ARL15: variants seen among roughly 807,000 people sequenced by gnomAD.
ARL15 encodes the protein ADP-ribosylation factor-like protein 15.
Under a neutral mutation model 25.2 loss-of-function variants are expected in ARL15, and 19 were observed. The ratio of observed to expected loss-of-function variants is 0.75; its 90% CI spans 0.53 to 1.10. The LOEUF is 1.10. ARL15 is among the 50% of genes least tolerant of loss of function. ARL15 has a pLI of 0.00. For missense variants in ARL15, 220 were observed against 246.0 expected (o/e 0.89, Z 0.71); for synonymous variants, 94 against 86.8 (o/e 1.08, Z -0.46).
intron 4 of ARL15, among the ~76,000 whole-genome samples, chr5:53,913,702 C>T (rs554533971): frequency 6.6e-6 from 1 of 152,230 alleles, no homozygotes; most frequent in South Asian, 2.1e-4. Flanking sequence ...TAGTACCTGG[C>T]ACTATTCTAC....
intron 4 of ARL15, among the ~76,000 whole-genome samples, chr5:53,887,779 A>G (rs1156862170): frequency 6.6e-6 from 1 of 152,136 alleles, no homozygotes; most frequent in Non-Finnish European, 1.5e-5. Context: ...TTACAGTCTT[A>G]CCTTAGTCAA....
At chr5:54,046,939 C>T (rs1340199412) in intron 4 of ARL15, among the ~76,000 whole-genome samples, 1 of 152,116 alleles carries the variant, frequency 6.6e-6, no homozygotes, top group Non-Finnish European at 1.5e-5. Context: ...TCTCAACATT[C>T]CCACTGAATG....
chr5:54,067,018 A>T (rs1751256951), intron 4 of ARL15: 1 of 152,642 alleles, frequency 6.6e-6, no homozygotes, highest in Admixed American at 6.5e-5. Flanking sequence ...GATATATGCA[A>T]TTATACATAG....
rs569876469 is a variant in ARL15, at chr5:54,070,788, T to C, written c.462+42414A>G. Among the ~76,000 whole-genome samples the C allele has an allele frequency of 3.9e-5, 6 of 151,932 alleles. No homozygotes were observed. The East Asian group carries it at 1.2e-3, about 29-fold the overall frequency. ...TGAACCCAGGAGGTGGAGGTTGCAG[T>C]GAGCCTAGATCACAGAGCCACTGCA... On this transcript the variant is annotated intron_variant, in intron 4 of 4. Coordinates refer to ENST00000504924, the MANE Select transcript of ARL15 (RefSeq NM_019087.3).
At chr5:54,053,242 AAC>A (rs1750754176) in intron 4 of ARL15, among the ~76,000 whole-genome samples, 1 of 134,628 alleles carries the variant, frequency 7.4e-6, no homozygotes, top group Non-Finnish European at 1.5e-5. Flanking sequence ...AACAACAACA[AAC>A]AACAACAAAA....
At chr5:54,273,358 T>C (rs1353175426) in intron 1 of ARL15, among the ~76,000 whole-genome samples, 1 of 152,166 alleles carries the variant, frequency 6.6e-6, no homozygotes, top group Non-Finnish European at 1.5e-5. Flanking sequence ...AAGGATACAG[T>C]GTCACCTATG....
rs950458933 is a variant in ARL15 at position 53,884,331 on chromosome 5, G to A, written c.*2230C>T. On this transcript the variant is annotated 3_prime_UTR_variant, in exon 5 of 5. Coordinates refer to ENST00000504924, the MANE Select transcript of ARL15 (RefSeq NM_019087.3). ...GGCACTTTACATGAAAGTAGGAAAA[G>A]GGACTTACACTCCCACCCCCAGCCA... The A allele has an allele frequency of 6.6e-6, 1 of 151,750 alleles. No homozygotes were observed. Among genetic ancestry groups the A allele is most frequent in the Non-Finnish European group, 1.5e-5 (1 of 67,938 alleles). 9.4% of individuals were successfully genotyped at this position (151,750 alleles called of 1,614,324 possible). A position where few individuals can be genotyped will look rare whatever the true frequency, so the allele number is the denominator to read the frequency against.
intron 1 of ARL15, among the ~76,000 whole-genome samples, chr5:54,266,104 G>A (rs1011104712): frequency 3.3e-5 from 5 of 152,134 alleles, no homozygotes; most frequent in African/African-American, 4.8e-5. Flanking sequence ...AAAGAGAAAC[G>A]ACTAACTTCA....
intron 4 of ARL15, among the ~76,000 whole-genome samples, chr5:54,107,213 C>G (rs964677694): frequency 1.3e-5 from 2 of 152,036 alleles, no homozygotes; most frequent in African/African-American, 4.8e-5. Flanking sequence ...AAAGACTGGC[C>G]CCCACGATTC....
intron 4 of ARL15, among the ~76,000 whole-genome samples, chr5:54,007,820 C>G (rs995694408): frequency 6.6e-6 from 1 of 152,226 alleles, no homozygotes. Flanking sequence ...TCCTCTATCA[C>G]TTACATTCTT....
At chr5:54,249,843 A>G (rs752454959) in intron 1 of ARL15, among the ~76,000 whole-genome samples, 13 of 152,166 alleles carry the variant, frequency 8.5e-5, no homozygotes, top group Non-Finnish European at 1.5e-4. Flanking sequence ...AGTTTCTGTC[A>G]CACAGCAATT....
In ARL15 at chr5:54,022,019, A is replaced by T. The variant is rs138524809; in HGVS notation, c.462+91183T>A. 1.6e-3 allele frequency among the ~76,000 whole-genome samples: 245 copies of T among 152,360 alleles called. 1 individual carries two copies. The highest frequency in any genetic ancestry group is 0.01 in the Middle Eastern group (3 of 294). ...AAGTGCTGAAAGAAAAGATCTGTCA[A>T]GACAGAATCTGATTCTCAGTGAAAA... On this transcript the variant is annotated intron_variant, in intron 4 of 4. Transcript: ENST00000504924.
intron 4 of ARL15, chr5:54,048,392 A>ATT (rs1750594084): frequency 7.9e-6 from 1 of 126,858 alleles, no homozygotes; most frequent in Admixed American, 7.7e-5. Flanking sequence ...ATATATATAA[A>ATT]TTATATATAT....
intron 4 of ARL15, among the ~76,000 whole-genome samples, chr5:53,977,206 A>T (rs1319796240): frequency 2.6e-5 from 4 of 151,874 alleles, no homozygotes; most frequent in African/African-American, 7.3e-5. Context: ...AAATACAAAA[A>T]ATTAGCCGGG....
chr5:53,897,493 T>C (rs529871100), intron 4 of ARL15, among the ~76,000 whole-genome samples: 1 of 152,356 alleles, frequency 6.6e-6, no homozygotes, highest in South Asian at 2.1e-4. Flanking sequence ...CATTTATTGG[T>C]CGGGTTCTAC....
chr5:54,308,251 C>CT (rs1188896114), intron 1 of ARL15, among the ~76,000 whole-genome samples: 1 of 152,124 alleles, frequency 6.6e-6, no homozygotes, highest in Non-Finnish European at 1.5e-5. Context: ...TTTCTGAAAT[C>CT]TTTTCACAGG....
At chr5:53,887,570 T>C (rs1744574188) in intron 4 of ARL15, among the ~76,000 whole-genome samples, 1 of 152,146 alleles carries the variant, frequency 6.6e-6, no homozygotes, top group African/African-American at 2.4e-5. Flanking sequence ...TGATCTTCTC[T>C]CAAAAGGTAT....
chr5:54,216,300 C>T (rs1040528377), intron 1 of ARL15, among the ~76,000 whole-genome samples: 2 of 152,154 alleles, frequency 1.3e-5, no homozygotes, highest in East Asian at 3.9e-4. Flanking sequence ...TGGTTTCATC[C>T]TCACCACCCT....
rs1353975838 is a variant in ARL15, at chr5:53,995,300, T to TCA, written c.463-108589_463-108588dup. The stretch of plus-strand genomic sequence containing the variant: ...ACCTGGGAGACAGAGCGAGACTCCG[T>TCA]CACAAAAAAAAAAAAAAAAAAAAAA... On this transcript the variant is annotated intron_variant, in intron 4 of 4. Coordinates refer to ENST00000504924, the MANE Select transcript of ARL15 (RefSeq NM_019087.3). Among the ~76,000 whole-genome samples the TCA allele has an allele frequency of 5.4e-5, 4 of 74,318 alleles. No homozygotes were observed. In the East Asian group the frequency reaches 1.3e-3, roughly 23 times the overall value. The allele number at this position is 74,318 out of a possible 152,430, so 48.8% of individuals were successfully genotyped here. A position where few individuals can be genotyped will look rare whatever the true frequency, so the allele number is the denominator to read the frequency against.
Sources: gnomAD v4.1 joint callset for allele counts (sites outside exome capture counted in the v4.1 genomes callset) on GRCh38, gnomAD v4.1.1 for gene constraint, MANE v1.5 for transcripts, NCBI Gene and HGNC (gene_info 2026-07-23, HGNC 2026-07-21) for gene names.